RTN3: variants seen among roughly 807,000 people sequenced by gnomAD.
RTN3 encodes the protein reticulon-3.
A neutral mutation model predicts 77.8 loss-of-function variants in RTN3; 49 were observed. The observed-to-expected ratio is 0.63, with a 90% CI of 0.50 to 0.80. RTN3 has a LOEUF of 0.80. Ranked by LOEUF, RTN3 falls within the 30% of genes least tolerant of loss-of-function variation. The pLI is 0.00. For synonymous variants in RTN3, 464 were observed against 446.9 expected (o/e 1.04, Z -0.48); for missense variants, 1,236 against 1,211.9 (o/e 1.02, Z -0.29).
At chr11:63,707,419 G>C (rs1022745148) in intron 2 of RTN3, among the ~76,000 whole-genome samples, 2 of 152,178 alleles carry the variant, frequency 1.3e-5, no homozygotes, top group Non-Finnish European at 2.9e-5. Context: ...ATAGGCTTCA[G>C]TTTCACAGTG....
intron 3 of RTN3, among the ~76,000 whole-genome samples, chr11:63,728,215 A>G (rs1025951452): frequency 1.3e-5 from 2 of 152,224 alleles, no homozygotes; most frequent in African/African-American, 4.8e-5. Context: ...ACATGTGCAA[A>G]GGATTCCCAA....
At chr11:63,731,415 C>T (rs569392118) in intron 3 of RTN3, among the ~76,000 whole-genome samples, 65 of 152,158 alleles carry the variant, frequency 4.3e-4, no homozygotes, top group African/African-American at 1.4e-3. Flanking sequence ...AAAATATGTT[C>T]TAAGGCCATA....
intron 3 of RTN3, among the ~76,000 whole-genome samples, chr11:63,744,240 C>CAAAAA (rs71468642): frequency 3.1e-5 from 2 of 63,614 alleles, no homozygotes; most frequent in African/African-American, 7.8e-5. Flanking sequence ...GACTCTGTCT[C>CAAAAA]AAAAAAAAAA....
At chr11:63,753,201 A>T in intron 6 of RTN3, 63 bp downstream of exon 6, 2 of 1,484,180 alleles carry the variant, frequency 1.3e-6, no homozygotes, top group Admixed American at 1.7e-5. Flanking sequence ...AAGAGTGAAG[A>T]GAAAGCCCAG....
chr11:63,706,470 G>T (rs1457316140), intron 2 of RTN3, among the ~76,000 whole-genome samples: 1 of 152,102 alleles, frequency 6.6e-6, no homozygotes, highest in Non-Finnish European at 1.5e-5. Flanking sequence ...ACAGTGCTGG[G>T]ATTATAAGCA....
rs1051485119 is a variant in RTN3 at position 63,694,440 on chromosome 11, T to A, written c.143-10411T>A. Among the ~76,000 whole-genome samples the A allele has an allele frequency of 1.3e-5, 2 of 152,130 alleles. 1 individual carries two copies. The highest frequency in any genetic ancestry group is 2.9e-5 in the Non-Finnish European group (2 of 68,028). On this transcript the variant is annotated intron_variant, in intron 1 of 8. Transcript: ENST00000377819. ...ATCTTCCTGCTTTGGCCTCCCAAAG[T>A]GCTGGGATTACAGGTGTGAGCCACT...
At chr11:63,702,905 T>G (rs960634871) in intron 1 of RTN3, among the ~76,000 whole-genome samples, 2 of 151,650 alleles carry the variant, frequency 1.3e-5, no homozygotes, top group African/African-American at 2.4e-5. Flanking sequence ...CAGGATGGTC[T>G]CAACCTCCTG....
chr11:63,692,857 T>C (rs988482538), intron 1 of RTN3, among the ~76,000 whole-genome samples: 2 of 152,168 alleles, frequency 1.3e-5, no homozygotes, highest in Non-Finnish European at 2.9e-5. Context: ...GTTATTAAAA[T>C]AAGTACTTTT....
At chr11:63,758,029 G>T in intron 8 of RTN3, 127 bp from the exon 9 acceptor site, 1 of 672,770 alleles carries the variant, frequency 1.5e-6, no homozygotes, top group South Asian at 2.1e-5. Context: ...ATACCCAGCC[G>T]GGAGAATGCA....
rs138982686 is a variant in RTN3 at position 63,720,793 on chromosome 11, G to T, written c.2291G>T (p.Arg764Leu). The change falls in exon 3 of 9, where the codon CGT (arginine) becomes CTT (leucine). Residue 764 changes from arginine to leucine, a missense_variant. By Grantham distance (102) the Arg-to-Leu change is moderately radical. This residue lies in a region of RTN3 where 1,056 missense variants were observed against 990.4 expected (regional missense o/e 1.07). Transcript: ENST00000377819. ...GTTGAGAAGTCAACTTCTGCACAGC[G>T]TGACGCAGAATTGCCTTCTGAAGAA... The part of the protein sequence containing the change: ...RQVEKSTSAQ[R>L]DAELPSEEVL... 1 of 1,613,918 alleles carries T rather than the reference G, an allele frequency of 6.2e-7. No individual in the cohort carries two copies. The highest frequency in any genetic ancestry group is 1.3e-5 in the African/African-American group (1 of 74,922).
intron 2 of RTN3, chr11:63,713,938 C>T (rs1367055780): frequency 1.2e-5 from 6 of 499,940 alleles, no homozygotes; most frequent in Non-Finnish European, 2.0e-5. Flanking sequence ...TAACTGCCTT[C>T]AGATTCACTG....
intron 1 of RTN3, among the ~76,000 whole-genome samples, chr11:63,701,145 C>T (rs1320662396): frequency 6.7e-6 from 1 of 149,686 alleles, no homozygotes; most frequent in Non-Finnish European, 1.5e-5. Context: ...TTGTTTCTTA[C>T]AGTACTTCTC....
intron 3 of RTN3, among the ~76,000 whole-genome samples, chr11:63,735,523 ACAATT>A (rs2013029180): frequency 6.9e-6 from 1 of 144,090 alleles, no homozygotes; most frequent in Admixed American, 7.2e-5. Context: ...TGGATTCAAG[ACAATT>A]CAAAGTCCCA....
At chr11:63,712,485 T>A (rs1460344548) in intron 2 of RTN3, among the ~76,000 whole-genome samples, 1 of 958 alleles carries the variant, frequency 1.0e-3, no homozygotes, top group African/African-American at 1.3e-3. Context: ...GGACTTTGAT[T>A]TTTTTTTTTT....
chr11:63,686,602 C>T (rs1361665427), intron 1 of RTN3, among the ~76,000 whole-genome samples: 1 of 151,952 alleles, frequency 6.6e-6, no homozygotes, highest in Non-Finnish European at 1.5e-5. Flanking sequence ...AGGTGGGTGG[C>T]TTGCTTGAGC....
At chr11:63,706,629 A>G (rs551655589) in intron 2 of RTN3, among the ~76,000 whole-genome samples, 3 of 152,340 alleles carry the variant, frequency 2.0e-5, no homozygotes, top group African/African-American at 7.2e-5. Flanking sequence ...GTTTACATTA[A>G]AAGATAGAAA....
chr11:63,695,581 G>A (rs953366155), intron 1 of RTN3, among the ~76,000 whole-genome samples: 2 of 152,192 alleles, frequency 1.3e-5, no homozygotes, highest in African/African-American at 4.8e-5. Context: ...AACATCATCA[G>A]TTGATAAGTC....
intron 3 of RTN3, among the ~76,000 whole-genome samples, chr11:63,734,733 A>G (rs905480148): frequency 4.0e-5 from 5 of 125,630 alleles, no homozygotes; most frequent in African/African-American, 1.3e-4. Flanking sequence ...CTCTGTCTCA[A>G]AACACACACA....
chr11:63,716,892 C>T (rs1314611416), intron 2 of RTN3, among the ~76,000 whole-genome samples: 2 of 145,454 alleles, frequency 1.4e-5, no homozygotes, highest in East Asian at 2.1e-4. Flanking sequence ...TGGCGCGAAC[C>T]CGGGAGGCGG....
Sources: gnomAD v4.1 joint callset for allele counts (sites outside exome capture counted in the v4.1 genomes callset) on GRCh38, gnomAD v4.1.1 for gene constraint, gnomAD v4.1.1 regional missense constraint, MANE v1.5 for transcripts, NCBI Gene and HGNC (gene_info 2026-07-23, HGNC 2026-07-21) for gene names.